The following RPL10 variants were observed in gnomAD, a reference collection of about 807,000 sequenced individuals.
The protein encoded by RPL10 is ribosomal protein L10.
A neutral mutation model predicts 15.7 loss-of-function variants in RPL10; 1 was observed. The observed-to-expected ratio is 0.06, with a 90% CI of 0.02 to 0.30. The LOEUF (loss-of-function observed/expected upper bound fraction) is 0.30, where lower values mean the gene tolerates loss of function less well. RPL10 is among the 10% of genes least tolerant of loss of function. The pLI is 1.00. For synonymous variants in RPL10, 59 were observed against 64.0 expected, an observed-to-expected ratio of 0.92 and a Z score of 0.37; for missense variants, 54 against 183.4, an observed-to-expected ratio of 0.29 and a Z score of 4.08.
chrX:154,398,333 G>A, upstream of RPL10: 4 of 578,174 alleles, frequency 6.9e-6, no homozygotes, highest in Non-Finnish European at 1.2e-5. Flanking sequence ...TCTTACGCGC[G>A]CAGACAGACC....
At position 154,400,543 on chromosome X, in the gene RPL10, T is replaced by A; in HGVS notation, c.409T>A (p.Ser137Thr). The A allele has an allele frequency of 8.3e-7, 1 of 1,208,701 alleles. No homozygotes were observed. Among genetic ancestry groups the A allele is most frequent in the African/African-American group, 1.7e-5 (1 of 57,654 alleles). ...ARVHIGQVIM[S>T]IRTKLQNKEH... ...GGTTCACATTGGCCAAGTTATCATG[T>A]CCATCCGCACCAAGCTGCAGAACAA... The change falls in exon 6 of 7, where the codon TCC (serine) becomes ACC (threonine). Residue 137 changes from serine to threonine, a missense_variant. Transcript: ENST00000369817.
intron 2 of RPL10, 28 bp from the exon 3 acceptor site, chrX:154,399,310 T>A (rs1557185193): frequency 1.6e-5 from 19 of 1,207,734 alleles, no homozygotes; most frequent in Non-Finnish European, 2.1e-5. Flanking sequence ...GAACCTCACC[T>A]AACCTGTGTT....
In RPL10 at chrX:154,400,670, C is replaced by G. The variant is rs41302182; in HGVS notation, c.493-32C>G. On this transcript the variant is annotated intron_variant, in intron 6 of 6. Transcript: ENST00000369817. Reference sequence around the variant, plus strand: ...CCCTTCTCCCACCTTTGCCCCAGGCCTCCTGACTCAGTTCTTTCCATTGCT... The same window carrying G: ...CCCTTCTCCCACCTTTGCCCCAGGCGTCCTGACTCAGTTCTTTCCATTGCT... 1.9e-3 allele frequency: 2,346 copies of G among 1,209,399 alleles called. 5 individuals are homozygous for G. The highest frequency in any genetic ancestry group is 2.5e-3 in the Non-Finnish European group (2,211 of 894,716).
chrX:154,398,563 C>A, intron 2 of RPL10, 21 bp downstream of exon 2: 1 of 1,210,678 alleles, frequency 8.3e-7, no homozygotes, highest in Non-Finnish European at 1.1e-6. Flanking sequence ...AATCCGTGTA[C>A]TTTCACTGCT....
rs201483785 is a variant in RPL10 at position 154,399,404 on chromosome X, G to C, written c.82+8G>C. 190 of 1,209,878 alleles carry C rather than the reference G, an allele frequency of 1.6e-4. No homozygotes were observed. Among genetic ancestry groups the C allele is most frequent in the Non-Finnish European group, 2.0e-4 (183 of 894,825 alleles). On this transcript the variant is annotated splice_region_variant and intron_variant, in intron 3 of 6. Coordinates refer to ENST00000369817, the MANE Select transcript of RPL10 (RefSeq NM_006013.5). ...TCTGCCGAGGTGTCCCTGGTAAGTA[G>C]TGGAAGAGCCCCTGCACTGGTTGGC...
chrX:154,398,667 C>A, intron 2 of RPL10, 125 bp downstream of exon 2: 1 of 856,070 alleles, frequency 1.2e-6, no homozygotes, highest in Non-Finnish European at 1.7e-6. Flanking sequence ...GGGAACTGAC[C>A]CTATGTTTTA....
chrX:154,401,909 CCT>C lies in RPL10; in HGVS notation c.*1060_*1061del, dbSNP rs1335825705. The stretch of plus-strand genomic sequence containing the variant: ...GCGTCCCAGCCAGTGTTTTTCCTGA[CCT>C]CTCTTCTTTGGAGAGGAGGATGGAA... On this transcript the variant is annotated 3_prime_UTR_variant, in exon 7 of 7. Coordinates refer to ENST00000369817, the MANE Select transcript of RPL10 (RefSeq NM_006013.5). The C allele has an allele frequency of 1.8e-5, 2 of 111,914 alleles. No homozygotes were observed. Among genetic ancestry groups the C allele is most frequent in the African/African-American group, 6.5e-5 (2 of 30,675 alleles). 9.2% of individuals were successfully genotyped at this position (111,914 alleles called of 1,213,427 possible). A position where few individuals can be genotyped will look rare whatever the true frequency, so the allele number is the denominator to read the frequency against.
chrX:154,399,615 C>T (rs372968320), intron 4 of RPL10, 21 bp downstream of exon 4: 36 of 1,189,886 alleles, frequency 3.0e-5, no homozygotes, highest in Admixed American at 8.8e-5. Context: ...ATTCTTTGTT[C>T]GTCACCCCCC....
intron 2 of RPL10, chrX:154,399,009 CTGTGCA>C (rs2067967475): frequency 2.6e-6 from 1 of 390,740 alleles, no homozygotes; most frequent in Admixed American, 4.3e-5. Flanking sequence ...GTGACCTGAG[CTGTGCA>C]ATGATAATGC....
chrX:154,400,405 T>C (rs1476454368), intron 5 of RPL10, 59 bp from the exon 6 acceptor site: 6 of 1,171,658 alleles, frequency 5.1e-6, no homozygotes, highest in Non-Finnish European at 6.9e-6. Flanking sequence ...TAAGGGACCT[T>C]GGAGACAGGC....
intron 1 of RPL10, 50 bp from the exon 2 acceptor site, chrX:154,398,446 CT>C: frequency 8.5e-7 from 1 of 1,173,747 alleles, no homozygotes; most frequent in Non-Finnish European, 1.2e-6. Context: ...GTTCTCACAC[CT>C]TTTAGGTCTG....
Position 154,400,746 on chromosome X carries a change from T to A in RPL10, c.537T>A (p.Asp179Glu). 2 of 1,211,768 alleles carry A rather than the reference T, an allele frequency of 1.7e-6. No homozygotes were observed. Reference protein sequence around the residue: ...KKWGFTKFNADEFEDMVAEKR... With the variant: ...KKWGFTKFNAEEFEDMVAEKR... ...GGGGCTTCACCAAGTTCAATGCTGATGAATTTGAAGACATGGTGGCTGAAA... is the reference window on the plus strand; with the variant it reads ...GGGGCTTCACCAAGTTCAATGCTGAAGAATTTGAAGACATGGTGGCTGAAA... Residue 179 changes from aspartate to glutamate, a missense_variant, in exon 7 of 7, where the codon GAT becomes GAA. By Grantham distance (45) the Asp-to-Glu change is conservative (BLOSUM62 2). Transcript: ENST00000369817.
At position 154,400,554 on chromosome X, in the gene RPL10, C is replaced by G; in HGVS notation, c.420C>G (p.Thr140=). The G allele has an allele frequency of 3.3e-6, 4 of 1,209,638 alleles. No individual in the cohort carries two copies. The highest frequency in any genetic ancestry group is 4.5e-6 in the Non-Finnish European group (4 of 895,021). The change falls in exon 6 of 7, where the codon ACC becomes ACG. Residue 140 remains threonine, a synonymous_variant. Coordinates refer to ENST00000369817, the MANE Select transcript of RPL10 (RefSeq NM_006013.5). ...GCCAAGTTATCATGTCCATCCGCACCAAGCTGCAGAACAAGGAGCATGTGA... is the reference window on the plus strand; with the variant it reads ...GCCAAGTTATCATGTCCATCCGCACGAAGCTGCAGAACAAGGAGCATGTGA... ...HIGQVIMSIR[T]KLQNKEHVIE...
At position 154,398,791 on chromosome X, in the gene RPL10, A is replaced by G. The variant is rs2067962884; in HGVS notation, c.23+249A>G. 9.1e-6 allele frequency: 4 copies of G among 438,328 alleles called. No individual in the cohort carries two copies. In the South Asian group the frequency reaches 1.4e-4, roughly 15 times the overall value. 36.1% of individuals were successfully genotyped at this position (438,328 alleles called of 1,213,427 possible). A position where few individuals can be genotyped will look rare whatever the true frequency, so the allele number is the denominator to read the frequency against. On this transcript the variant is annotated intron_variant, in intron 2 of 6. Coordinates refer to ENST00000369817, the MANE Select transcript of RPL10 (RefSeq NM_006013.5). ...TGCCTGTGTCCTGCAAGCTCACCGC[A>G]TTTTCGGGCGCTAGATACGCTCTTG... is the stretch of plus-strand genomic sequence containing the variant.
At position 154,399,478 on chromosome X, in the gene RPL10, T is replaced by C; in HGVS notation, c.83-9T>C. 1 of 1,211,711 alleles carries C rather than the reference T, an allele frequency of 8.3e-7. No individual in the cohort carries two copies. The highest frequency in any genetic ancestry group is 1.1e-6 in the Non-Finnish European group (1 of 895,291). On this transcript the variant is annotated splice_polypyrimidine_tract_variant and intron_variant, in intron 3 of 6. Transcript: ENST00000369817. ...TGACACCCCCTGCACACTTACCCAA[T>C]CCTTTTAGATGCCAAGATTCGCATT... is the stretch of plus-strand genomic sequence containing the variant.
rs2067959275 is a variant in RPL10, at chrX:154,398,634, C to G, written c.23+92C>G. On this transcript the variant is annotated intron_variant, in intron 2 of 6. Coordinates refer to ENST00000369817, the MANE Select transcript of RPL10 (RefSeq NM_006013.5). ...TGAAAACAATTGTGGGGTGGAGCCTCCCCCGTGCGGCGGCCCTGTCTTGGG... is the reference window on the plus strand; with the variant it reads ...TGAAAACAATTGTGGGGTGGAGCCTGCCCCGTGCGGCGGCCCTGTCTTGGG... The G allele has an allele frequency of 2.5e-5, 27 of 1,098,468 alleles. No individual in the cohort carries two copies. In the South Asian group the frequency reaches 4.8e-4, roughly 19 times the overall value. The allele number at this position is 1,098,468 out of a possible 1,213,427, so 90.5% of individuals were successfully genotyped here. A position where few individuals can be genotyped will look rare whatever the true frequency, so the allele number is the denominator to read the frequency against.
At chrX:154,398,680 C>A in intron 2 of RPL10, 138 bp downstream of exon 2, 2 of 743,568 alleles carry the variant, frequency 2.7e-6, no homozygotes, top group South Asian at 2.3e-5. Flanking sequence ...ATGTTTTACA[C>A]CTCCCGGCTA....
At chrX:154,399,199 C>G (rs1260622057) in intron 2 of RPL10, 139 bp from the exon 3 acceptor site, 5 of 619,162 alleles carry the variant, frequency 8.1e-6, no homozygotes, top group South Asian at 4.5e-5. Flanking sequence ...TTTATTTCCC[C>G]GAATGGAAAC....
upstream of RPL10, chrX:154,398,229 T>C: frequency 2.1e-6 from 1 of 486,790 alleles, no homozygotes; most frequent in South Asian, 2.5e-5. Context: ...GCGCATGTGC[T>C]GGGCTACGCC....
Sources: allele counts gnomAD v4.1 joint callset, GRCh38; gene constraint gnomAD v4.1.1; transcripts MANE v1.5; gene names NCBI Gene and HGNC (gene_info 2026-07-23, HGNC 2026-07-21).